RPTOR: variants seen among roughly 807,000 people sequenced by gnomAD.
RPTOR encodes regulatory-associated protein of mTOR.
Under a neutral mutation model 169.9 loss-of-function variants are expected in RPTOR, and 21 were observed. The observed-to-expected ratio is 0.12, with a 90% CI of 0.09 to 0.18. The LOEUF (loss-of-function observed/expected upper bound fraction) is 0.18. Among genes scored for constraint, RPTOR ranks in the 10% least tolerant of loss-of-function variants. The pLI is 1.00. For missense variants in RPTOR, 1,133 were observed against 1,855.9 expected, an observed-to-expected ratio of 0.61 and a Z score of 7.16; for synonymous variants, 732 against 753.2, an observed-to-expected ratio of 0.97 and a Z score of 0.46.
chr17:80,823,277 G>A lies in RPTOR; in HGVS notation c.1136+54G>A, dbSNP rs1284233161. 1.3e-5 allele frequency: 20 copies of A among 1,595,418 alleles called. No homozygotes were observed. Among genetic ancestry groups the A allele is most frequent in the Non-Finnish European group, 1.7e-5 (20 of 1,168,628 alleles). On this transcript the variant is annotated intron_variant, in intron 9 of 33. Coordinates refer to ENST00000306801, the MANE Select transcript of RPTOR (RefSeq NM_020761.3). The surrounding 1 kb of genome is among the most constrained non-coding windows in gnomAD (Gnocchi z 4.5). The stretch of plus-strand genomic sequence containing the variant: ...GTGCTCCCCCGCCCTCCGTGGCACT[G>A]TGATGTCATGGAATTGCACGGAGCT...
intron 1 of RPTOR, among the ~76,000 whole-genome samples, chr17:80,547,908 T>C (rs1257361853): frequency 2.6e-5 from 4 of 152,182 alleles, no homozygotes; most frequent in African/African-American, 4.8e-5. Flanking sequence ...ATGCCATAAC[T>C]GAAGGGGCAA....
At chr17:80,905,601 A>G (rs1174288632) in intron 20 of RPTOR, among the ~76,000 whole-genome samples, 2 of 151,898 alleles carry the variant, frequency 1.3e-5, no homozygotes, top group Non-Finnish European at 2.9e-5. Flanking sequence ...GTCTCAAAAA[A>G]AAAAAAAAAA....
At chr17:80,716,262 T>A (rs1240400240) in intron 4 of RPTOR, among the ~76,000 whole-genome samples, 1 of 152,208 alleles carries the variant, frequency 6.6e-6, no homozygotes, top group African/African-American at 2.4e-5. Flanking sequence ...TGGCCATTCT[T>A]GCAGAGGTAA....
At chr17:80,552,066 A>G (rs141531062) in intron 1 of RPTOR, among the ~76,000 whole-genome samples, 388 of 152,332 alleles carry the variant, frequency 2.5e-3, no homozygotes, top group African/African-American at 8.9e-3. Flanking sequence ...AGATTAACAG[A>G]ATCTCAAGGC....
intron 25 of RPTOR, among the ~76,000 whole-genome samples, chr17:80,944,916 A>G (rs984369676): frequency 4.7e-5 from 7 of 150,440 alleles, no homozygotes; most frequent in Non-Finnish European, 8.9e-5. Context: ...GCTTGAACCC[A>G]GGAGGCAGAG....
rs2066576921 is a variant in RPTOR at position 80,746,501 on chromosome 17, C to T, written c.655-7509C>T. 1.3e-5 allele frequency among the ~76,000 whole-genome samples: 2 copies of T among 152,342 alleles called. No homozygotes were observed. The highest frequency in any genetic ancestry group is 4.1e-4 in the South Asian group (2 of 4,828). ...TTTTTTGGATCCGGTTGCTGTGTAT[C>T]GCATCGCAAGACTTTTCTGGATCCT... On this transcript the variant is annotated intron_variant, in intron 5 of 33. Transcript: ENST00000306801. The surrounding 1 kb of genome is among the most constrained non-coding windows in gnomAD (Gnocchi z 4.5).
At position 80,679,465 on chromosome 17, in the gene RPTOR, C is replaced by T. The variant is rs75160692; in HGVS notation, c.349-28376C>T. On this transcript the variant is annotated intron_variant, in intron 3 of 33. Coordinates refer to ENST00000306801, the MANE Select transcript of RPTOR (RefSeq NM_020761.3). ...GGTTAATCATGTTACTCTAAGTTTT[C>T]GTTTCCTTTTTACTCGGCTCAGGAA... Among the ~76,000 whole-genome samples, 7 of 152,274 alleles carry T rather than the reference C, an allele frequency of 4.6e-5. No individual in the cohort carries two copies. In the East Asian group the frequency reaches 7.7e-4, roughly 17 times the overall value.
chr17:80,560,130 G>A (rs1375647280), intron 1 of RPTOR, among the ~76,000 whole-genome samples: 1 of 152,200 alleles, frequency 6.6e-6, no homozygotes, highest in Non-Finnish European at 1.5e-5. Flanking sequence ...GTGCAGTCAT[G>A]ATCTGCCCTT....
intron 2 of RPTOR, among the ~76,000 whole-genome samples, chr17:80,629,850 C>T (rs892267680): frequency 6.6e-6 from 1 of 152,132 alleles, no homozygotes; most frequent in Non-Finnish European, 1.5e-5. Context: ...CATTGTACCA[C>T]AGCTCTTCCG....
chr17:80,912,150 C>T (rs2068620705), intron 21 of RPTOR, among the ~76,000 whole-genome samples: 1 of 152,192 alleles, frequency 6.6e-6, no homozygotes, highest in African/African-American at 2.4e-5. Context: ...GTTGTAAAAG[C>T]TTTTTACGAA....
intron 3 of RPTOR, among the ~76,000 whole-genome samples, chr17:80,661,631 T>A (rs979320487): frequency 1.3e-5 from 2 of 152,126 alleles, no homozygotes; most frequent in African/African-American, 4.8e-5. Context: ...TCCCCGGCGC[T>A]CCTATGCACA....
At chr17:80,608,120 A>T (rs1440842188) in intron 1 of RPTOR, among the ~76,000 whole-genome samples, 1 of 152,164 alleles carries the variant, frequency 6.6e-6, no homozygotes, top group Non-Finnish European at 1.5e-5. Context: ...TGATTTTGAG[A>T]GTGATAGACT....
At chr17:80,859,929 G>T (rs1010202233) in intron 13 of RPTOR, among the ~76,000 whole-genome samples, 1 of 152,236 alleles carries the variant, frequency 6.6e-6, no homozygotes, top group Non-Finnish European at 1.5e-5. Flanking sequence ...ACCCCACTGG[G>T]CCCCTGCGCC....
At chr17:80,879,210 C>T (rs945765380) in intron 13 of RPTOR, among the ~76,000 whole-genome samples, 8 of 152,096 alleles carry the variant, frequency 5.3e-5, no homozygotes, top group African/African-American at 1.4e-4. Context: ...CTTGGATCCT[C>T]GCATCCCTGG....
chr17:80,724,526 T>A (rs2066313871), intron 4 of RPTOR, among the ~76,000 whole-genome samples: 1 of 146,206 alleles, frequency 6.8e-6, no homozygotes, highest in East Asian at 1.9e-4. Context: ...GTCCTTCAGC[T>A]GATGGCAGTC....
chr17:80,949,568 C>G, intron 28 of RPTOR, 21 bp downstream of exon 28: 1 of 1,598,840 alleles, frequency 6.3e-7, no homozygotes. Flanking sequence ...CCGGCTCCTC[C>G]CCAGAGCAGA....
Position 80,746,162 on chromosome 17 carries a change from C to CAA in RPTOR, c.655-7833_655-7832dup, listed in dbSNP as rs34830902. 1.5e-4 allele frequency among the ~76,000 whole-genome samples: 14 copies of CAA among 90,368 alleles called. No individual in the cohort carries two copies. The highest frequency in any genetic ancestry group is 3.7e-4 in the Admixed American group (4 of 10,716). The allele number at this position is 90,368 out of a possible 152,430, so 59.3% of individuals were successfully genotyped here. On this transcript the variant is annotated intron_variant, in intron 5 of 33. Coordinates refer to ENST00000306801, the MANE Select transcript of RPTOR (RefSeq NM_020761.3). This position sits in a 1 kb window ranked among gnomAD's most constrained non-coding sequence, Gnocchi z 4.5. ...GGGTGACAAGAGCAAACCTCCATCTCAAAAAAAAAAAAAAAAGTGCAGTGC... is the reference window on the plus strand; with the variant it reads ...GGGTGACAAGAGCAAACCTCCATCTCAAAAAAAAAAAAAAAAAAGTGCAGTGC...
At chr17:80,577,608 A>G (rs1185111553) in intron 1 of RPTOR, among the ~76,000 whole-genome samples, 1 of 152,166 alleles carries the variant, frequency 6.6e-6, no homozygotes, top group Non-Finnish European at 1.5e-5. Flanking sequence ...CTTTCCACGG[A>G]AGTCACTGAA....
At chr17:80,700,693 G>C (rs2066086143) in intron 3 of RPTOR, among the ~76,000 whole-genome samples, 1 of 146,848 alleles carries the variant, frequency 6.8e-6, no homozygotes, top group Non-Finnish European at 1.5e-5. Flanking sequence ...TGGTGGTGAT[G>C]GTGATGGTGG....
Sources: allele counts gnomAD v4.1 joint callset (sites outside exome capture counted in the v4.1 genomes callset), GRCh38; gene constraint gnomAD v4.1.1; non-coding constraint Gnocchi (gnomAD v3.1); transcripts MANE v1.5; gene names NCBI Gene and HGNC (gene_info 2026-07-23, HGNC 2026-07-21).